Variants in PWWP3A observed in about 807,000 individuals in gnomAD.
PWWP3A encodes the protein PWWP domain containing 3A, DNA repair factor, also known as PWWP domain-containing DNA repair factor 3A.
A neutral mutation model predicts 79.0 loss-of-function variants in PWWP3A; 53 were observed. The ratio of observed to expected loss-of-function variants is 0.67; its 90% CI spans 0.54 to 0.84. The LOEUF is 0.84. Among genes scored for constraint, PWWP3A ranks in the 40% least tolerant of loss-of-function variants. PWWP3A has a pLI of 0.00. For missense variants in PWWP3A, 973 were observed against 948.0 expected, an observed-to-expected ratio of 1.03 and a Z score of -0.35; for synonymous variants, 443 against 394.4, an observed-to-expected ratio of 1.12 and a Z score of -1.46.
In PWWP3A at chr19:1,370,632, T is replaced by G. The variant is rs368754043; in HGVS notation, c.1550-10T>G. 1.6e-4 allele frequency: 231 copies of G among 1,443,814 alleles called. No homozygotes were observed. The highest frequency in any genetic ancestry group is 6.9e-4 in the Middle Eastern group (3 of 4,322). 89.4% of individuals were successfully genotyped at this position (1,443,814 alleles called of 1,614,324 possible). A position where few individuals can be genotyped will look rare whatever the true frequency, so the allele number is the denominator to read the frequency against. On this transcript the variant is annotated splice_polypyrimidine_tract_variant and intron_variant, in intron 11 of 13. Coordinates refer to ENST00000591337, the MANE Select transcript of PWWP3A (RefSeq NM_001369789.1). ...ACGCGCTGGTCCCACGACAGGTGCT[T>G]CTTTTGCAGGCTATCCTGTCCGAAA...
At chr19:1,364,303 T>C in intron 6 of PWWP3A, 1 of 690,784 alleles carries the variant, frequency 1.4e-6, no homozygotes, top group Non-Finnish European at 2.7e-6. Context: ...GGTTTCACTG[T>C]CTCATCATTG....
At chr19:1,358,200 A>C (rs535349703) in intron 3 of PWWP3A, 194 bp from the exon 4 acceptor site, 12 of 499,990 alleles carry the variant, frequency 2.4e-5, no homozygotes, top group African/African-American at 1.8e-4. Context: ...AAAAAAAAAA[A>C]AAAACCATTC....
rs1440786088 is a variant in PWWP3A at position 1,360,107 on chromosome 19, C to T, written c.215-29C>T. On this transcript the variant is annotated intron_variant, in intron 4 of 13. Coordinates refer to ENST00000591337, the MANE Select transcript of PWWP3A (RefSeq NM_001369789.1). The surrounding 1 kb of genome is among the most constrained non-coding windows in gnomAD (Gnocchi z 4.4). ...CGCAGTGCCTGTGCAGTGAACGTAA[C>T]CGGCATTGTGTATGTTCGGTCCTTG... 7 of 1,518,090 alleles carry T rather than the reference C, an allele frequency of 4.6e-6. No homozygotes were observed. The Admixed American group carries it at 1.1e-4, about 24-fold the overall frequency. 94.0% of individuals were successfully genotyped at this position (1,518,090 alleles called of 1,614,324 possible).
At chr19:1,366,480 G>C in intron 8 of PWWP3A, 99 bp downstream of exon 8, 1 of 1,115,158 alleles carries the variant, frequency 9.0e-7, no homozygotes, top group Non-Finnish European at 1.4e-6. Flanking sequence ...CAGAGGGGAG[G>C]CCCCGGCAGG....
At chr19:1,361,085 C>G in intron 5 of PWWP3A, 53 bp downstream of exon 5, 2 of 1,358,844 alleles carry the variant, frequency 1.5e-6, no homozygotes, top group Non-Finnish European at 9.5e-7. Context: ...CCTGCTCCTC[C>G]GCAGCCAGAC....
At position 1,362,463 on chromosome 19, in the gene PWWP3A, A is replaced by G. The variant is rs2082039692; in HGVS notation, c.1213+112A>G. On this transcript the variant is annotated intron_variant, in intron 6 of 13. Transcript: ENST00000591337. ...TCCATGAAAGGTCTCCTGCGAGTTC[A>G]TTTCTCTCCCACTGAACCGAGACCT... is the stretch of plus-strand genomic sequence containing the variant. 7 of 763,232 alleles carry G rather than the reference A, an allele frequency of 9.2e-6. No homozygotes were observed. In the East Asian group the frequency reaches 1.3e-4, roughly 15 times the overall value. The allele number at this position is 763,232 out of a possible 1,614,324, so 47.3% of individuals were successfully genotyped here.
At position 1,366,457 on chromosome 19, in the gene PWWP3A, G is replaced by C. The variant is rs559686267; in HGVS notation, c.1361+76G>C. 1,169 of 1,358,008 alleles carry C rather than the reference G, an allele frequency of 8.6e-4. 8 individuals carry two copies. In the African/African-American group the frequency reaches 0.015, roughly 18 times the overall value. 84.1% of individuals were successfully genotyped at this position (1,358,008 alleles called of 1,614,324 possible). On this transcript the variant is annotated intron_variant, in intron 8 of 13. Transcript: ENST00000591337. ...CCGCTCTCAGAGTCAGAGCGGGCGT[G>C]GGGATGGAGGGACAGAGGGGAGGCC...
Position 1,360,025 on chromosome 19 carries a change from A to C in PWWP3A, c.215-111A>C. 9.3e-7 allele frequency: 1 copy of C among 1,077,492 alleles called. No homozygotes were observed. Among genetic ancestry groups the C allele is most frequent in the Middle Eastern group, 2.2e-4 (1 of 4,618 alleles). The allele number at this position is 1,077,492 out of a possible 1,614,324, so 66.7% of individuals were successfully genotyped here. ...TGTTAGTCCTCCCCTTCAGTGATTT[A>C]GGTATGAAACTAGCCGTCAGAATGA... On this transcript the variant is annotated intron_variant, in intron 4 of 13. Transcript: ENST00000591337. The surrounding 1 kb of genome is among the most constrained non-coding windows in gnomAD (Gnocchi z 4.4).
At chr19:1,364,872 A>G (rs969767747) in intron 7 of PWWP3A, among the ~76,000 whole-genome samples, 34 of 152,286 alleles carry the variant, frequency 2.2e-4, no homozygotes, top group African/African-American at 8.2e-4. Flanking sequence ...TAATCCCAGC[A>G]CTTTGGGAGG....
chr19:1,375,706 A>G (rs2082371707), intron 13 of PWWP3A, among the ~76,000 whole-genome samples: 1 of 141,754 alleles, frequency 7.1e-6, no homozygotes, highest in Non-Finnish European at 1.5e-5. Context: ...AATTTAATAT[A>G]TAATATATAT....
Position 1,370,863 on chromosome 19 carries a change from G to C in PWWP3A, c.1771G>C (p.Ala591Pro). 1 of 1,561,326 alleles carries C rather than the reference G, an allele frequency of 6.4e-7. No individual in the cohort carries two copies. The highest frequency in any genetic ancestry group is 2.4e-5 in the East Asian group (1 of 41,898). The change falls in exon 12 of 14, where the codon GCC becomes CCC. Residue 591 changes from alanine (A) to proline (P), a missense_variant. Ala to Pro is a conservative substitution (Grantham distance 27). Transcript: ENST00000591337. Reference sequence around the variant, plus strand: ...CAAGGGCGCGGAGAGCCACCTGCGGGCCATCCTAAAGAGCAGGAAGCCATC... The same window carrying C: ...CAAGGGCGCGGAGAGCCACCTGCGGCCCATCCTAAAGAGCAGGAAGCCATC... ...KAKGAESHLR[A>P]ILKSRKPSRW...
rs2082442826 is a variant in PWWP3A, at chr19:1,378,369, C to T, written c.*1793C>T. 1 of 152,338 alleles carries T rather than the reference C, an allele frequency of 6.6e-6. No homozygotes were observed. 9.4% of individuals were successfully genotyped at this position (152,338 alleles called of 1,614,324 possible). A position where few individuals can be genotyped will look rare whatever the true frequency, so the allele number is the denominator to read the frequency against. ...TCTGCTGTTGTGAAGTACTTTTATC[C>T]ATTTGCTTCTCTGCTGACCTTGCCA... On this transcript the variant is annotated 3_prime_UTR_variant, in exon 14 of 14. Transcript: ENST00000591337.
intron 6 of PWWP3A, among the ~76,000 whole-genome samples, 183 bp downstream of exon 6, chr19:1,362,534 G>T (rs2082041070): frequency 6.6e-6 from 1 of 152,156 alleles, no homozygotes; most frequent in Non-Finnish European, 1.5e-5. Context: ...TCTATCTTAA[G>T]AATAACCTAC....
At position 1,360,731 on chromosome 19, in the gene PWWP3A, A is replaced by G. The variant is rs758333239; in HGVS notation, c.810A>G (p.Gly270=). 7.4e-6 allele frequency: 12 copies of G among 1,612,962 alleles called. No individual in the cohort carries two copies. The highest frequency in any genetic ancestry group is 8.5e-6 in the Non-Finnish European group (10 of 1,179,808). The change falls in exon 5 of 14, where the codon GGA becomes GGG. Residue 270 remains glycine (G), a synonymous_variant. Coordinates refer to ENST00000591337, the MANE Select transcript of PWWP3A (RefSeq NM_001369789.1). This position sits in a 1 kb window ranked among gnomAD's most constrained non-coding sequence, Gnocchi z 4.4. ...REDDPCANAE[G]HDPGLPLGSL... ...ACGATCCCTGTGCCAACGCTGAGGG[A>G]CACGACCCCGGTCTGCCGTTGGGCA...
Position 1,356,459 on chromosome 19 carries a change from A to G in PWWP3A, c.57+10A>G. The G allele has an allele frequency of 1.2e-6, 2 of 1,613,930 alleles. No individual in the cohort carries two copies. Among genetic ancestry groups the G allele is most frequent in the East Asian group, 2.2e-5 (1 of 44,890 alleles). On this transcript the variant is annotated intron_variant, in intron 2 of 13. Coordinates refer to ENST00000591337, the MANE Select transcript of PWWP3A (RefSeq NM_001369789.1). ...ATTATGGCCTGCGAAGGTGACAGCC[A>G]TTATTCTGTAACTTCAGGACTTAGA...
intron 7 of PWWP3A, 41 bp from the exon 8 acceptor site, chr19:1,366,264 T>G: frequency 6.3e-7 from 1 of 1,590,732 alleles, no homozygotes; most frequent in South Asian, 1.1e-5. Context: ...ATCCACGATC[T>G]CTTTTGTTTT....
At chr19:1,364,934 C>T (rs995262477) in intron 7 of PWWP3A, among the ~76,000 whole-genome samples, 1 of 152,118 alleles carries the variant, frequency 6.6e-6, no homozygotes, top group African/African-American at 2.4e-5. Context: ...GCCTGGCCAA[C>T]ATGGTGAAAC....
At chr19:1,371,549 G>C in intron 12 of PWWP3A, 2 of 611,364 alleles carry the variant, frequency 3.3e-6, no homozygotes, top group South Asian at 3.8e-5. Context: ...TAGACTGTCT[G>C]TGATTTCGAA....
chr19:1,359,990 A>C (rs1961295198), intron 4 of PWWP3A, 146 bp from the exon 5 acceptor site: 1 of 741,262 alleles, frequency 1.3e-6, no homozygotes. Context: ...GGGAAAATGT[A>C]GGTGAGAAAT....
Sources: gnomAD v4.1 joint callset for allele counts (sites outside exome capture counted in the v4.1 genomes callset) on GRCh38, gnomAD v4.1.1 for gene constraint, Gnocchi (gnomAD v3.1) non-coding constraint, MANE v1.5 for transcripts, NCBI Gene and HGNC (gene_info 2026-07-23, HGNC 2026-07-21) for gene names.